The following QTMAN variants were observed in gnomAD, a reference collection of about 807,000 sequenced individuals.
QTMAN encodes the protein queuosine-tRNA mannosyltransferase, also known as tRNA-queuosine alpha-mannosyltransferase.
the QTMAN span, among the ~76,000 whole-genome samples, chr2:144,083,768 T>C: frequency 6.6e-6 from 1 of 151,456 alleles, no homozygotes; most frequent in Admixed American, 6.6e-5. Context: ...CTGTGTACTC[T>C]GGATACATCA....
chr2:143,977,931 T>C, the QTMAN span, among the ~76,000 whole-genome samples: 1 of 152,144 alleles, frequency 6.6e-6, no homozygotes, highest in Non-Finnish European at 1.5e-5. Flanking sequence ...CTTCCTAAAG[T>C]CTGTGATCCT....
the QTMAN span, among the ~76,000 whole-genome samples, chr2:144,117,547 A>G: frequency 6.6e-6 from 1 of 152,236 alleles, no homozygotes. Context: ...ACAATAATAA[A>G]TAATTACATC....
the QTMAN span, among the ~76,000 whole-genome samples, chr2:144,099,472 G>A: frequency 4.6e-5 from 7 of 152,262 alleles, no homozygotes; most frequent in East Asian, 7.7e-4. Flanking sequence ...CCAGAGTAAC[G>A]AAAGGACTAG....
the QTMAN span, among the ~76,000 whole-genome samples, chr2:144,042,921 A>T: frequency 6.6e-6 from 1 of 152,128 alleles, no homozygotes. Flanking sequence ...TGTGTTTTGC[A>T]TGCCTGCCAG....
At chr2:144,316,560 A>T in the QTMAN span, among the ~76,000 whole-genome samples, 1 of 152,154 alleles carries the variant, frequency 6.6e-6, no homozygotes, top group Non-Finnish European at 1.5e-5. Context: ...TGCCCTCCGT[A>T]TATGAGTTTT....
the QTMAN span, among the ~76,000 whole-genome samples, chr2:144,047,646 C>T: frequency 6.6e-6 from 1 of 152,160 alleles, no homozygotes; most frequent in East Asian, 1.9e-4. Context: ...ACTATGACAG[C>T]AACACGTGCA....
chr2:144,283,365 A>G, the QTMAN span, among the ~76,000 whole-genome samples: 1 of 152,176 alleles, frequency 6.6e-6, no homozygotes, highest in Non-Finnish European at 1.5e-5. Context: ...AAAACCCCAT[A>G]AACATTTTGA....
At chr2:143,989,202 T>C in the QTMAN span, among the ~76,000 whole-genome samples, 1 of 151,876 alleles carries the variant, frequency 6.6e-6, no homozygotes, top group African/African-American at 2.4e-5. Context: ...GACTTTCTAG[T>C]TCCGACTCTA....
the QTMAN span, among the ~76,000 whole-genome samples, chr2:144,151,803 T>C: frequency 2.0e-5 from 3 of 152,228 alleles, no homozygotes; most frequent in East Asian, 5.8e-4. Flanking sequence ...TGAGTTCTAA[T>C]ATTCATTAAT....
the QTMAN span, among the ~76,000 whole-genome samples, chr2:144,289,904 ATATAT>A: frequency 2.0e-5 from 3 of 152,210 alleles, no homozygotes; most frequent in African/African-American, 7.2e-5. Context: ...ACCTCCTCAC[ATATAT>A]TAAGTTCAGC....
the QTMAN span, among the ~76,000 whole-genome samples, chr2:144,153,627 C>CT: frequency 6.6e-6 from 1 of 152,060 alleles, no homozygotes; most frequent in South Asian, 2.1e-4. Context: ...GGAGGCACAG[C>CT]TTGCAGTGAG....
At chr2:144,318,384 G>C in the QTMAN span, among the ~76,000 whole-genome samples, 1 of 152,120 alleles carries the variant, frequency 6.6e-6, no homozygotes, top group African/African-American at 2.4e-5. Flanking sequence ...CTGAGTTTTA[G>C]AATCCAGAAC....
At chr2:144,247,464 A>C in the QTMAN span, among the ~76,000 whole-genome samples, 3 of 152,218 alleles carry the variant, frequency 2.0e-5, no homozygotes, top group Non-Finnish European at 4.4e-5. Flanking sequence ...CTAAGCCAAA[A>C]ATTGGAATCT....
the QTMAN span, among the ~76,000 whole-genome samples, chr2:143,991,454 G>A: frequency 2.1e-5 from 3 of 141,108 alleles, no homozygotes; most frequent in East Asian, 2.2e-4. Context: ...CCCCCCACCC[G>A]GCCAGCCGCC....
At chr2:144,029,683 GA>G in the QTMAN span, among the ~76,000 whole-genome samples, 1 of 152,016 alleles carries the variant, frequency 6.6e-6, no homozygotes, top group Non-Finnish European at 1.5e-5. Flanking sequence ...ACAAGAAAAA[GA>G]AAAAATCTAT....
At chr2:144,207,555 A>G in the QTMAN span, among the ~76,000 whole-genome samples, 3 of 152,120 alleles carry the variant, frequency 2.0e-5, no homozygotes, top group Non-Finnish European at 4.4e-5. Context: ...TGCCCAAACC[A>G]ATGCAGTCCT....
chr2:144,112,641 A>G, the QTMAN span, among the ~76,000 whole-genome samples: 4 of 152,224 alleles, frequency 2.6e-5, no homozygotes, highest in Non-Finnish European at 4.4e-5. Flanking sequence ...CTTCCAGCAA[A>G]GGCCTAAGCA....
chr2:144,238,480 T>C, the QTMAN span, among the ~76,000 whole-genome samples: 9,313 of 152,156 alleles, frequency 0.061, 370 homozygotes, highest in South Asian at 0.16. Context: ...ATGTGATACA[T>C]CTCTGTATGC....
At chr2:144,096,813 T>A in the QTMAN span, among the ~76,000 whole-genome samples, 8 of 152,266 alleles carry the variant, frequency 5.3e-5, no homozygotes, top group Non-Finnish European at 8.8e-5. Context: ...TCAAATCATC[T>A]GCTGTAAACA....
Sources: gnomAD v4.1 joint callset for allele counts (sites outside exome capture counted in the v4.1 genomes callset) on GRCh38, gnomAD v4.1.1 for gene constraint, MANE v1.5 for transcripts, NCBI Gene and HGNC (gene_info 2026-07-23, HGNC 2026-07-21) for gene names.